The following VPS13B variants were observed in gnomAD, a reference collection of about 807,000 sequenced individuals.
VPS13B encodes vacuolar protein sorting 13 homolog B, also known as intermembrane lipid transfer protein VPS13B.
Under a neutral mutation model 426.4 loss-of-function variants are expected in VPS13B, and 285 were observed. The observed-to-expected ratio is 0.67, with a 90% CI of 0.61 to 0.74. VPS13B has a LOEUF of 0.74. Among genes scored for constraint, VPS13B ranks in the 30% least tolerant of loss-of-function variants. VPS13B has a pLI of 0.00. For missense variants in VPS13B, 4,537 were observed against 4,782.6 expected, an observed-to-expected ratio of 0.95 and a Z score of 1.51; for synonymous variants, 1,676 against 1,676.4, an observed-to-expected ratio of 1.00 and a Z score of 0.01.
At position 99,214,964 on chromosome 8, in the gene VPS13B, TG is replaced by T. The variant is rs552349032; in HGVS notation, c.2515+21908del. ...ATACTCCATATTTCTGCAATGCCCA[TG>T]TCTCTCTATTTAATCTATTTATATC... is the stretch of plus-strand genomic sequence containing the variant. On this transcript the variant is annotated intron_variant, in intron 17 of 61. Coordinates refer to ENST00000357162, the MANE Select transcript of VPS13B (RefSeq NM_152564.5). Among the ~76,000 whole-genome samples, 547 of 152,314 alleles carry T rather than the reference TG, an allele frequency of 3.6e-3. 4 individuals are homozygous for T. Among genetic ancestry groups the T allele is most frequent in the South Asian group, 0.013 (62 of 4,828 alleles).
At chr8:99,122,910 C>T (rs986084806) in intron 8 of VPS13B, among the ~76,000 whole-genome samples, 12 of 151,440 alleles carry the variant, frequency 7.9e-5, no homozygotes, top group East Asian at 1.9e-4. Flanking sequence ...ATCTGGAATT[C>T]GAGACCAGCC....
intron 33 of VPS13B, chr8:99,577,929 A>T (rs959847695): frequency 2.8e-5 from 11 of 399,410 alleles, no homozygotes; most frequent in African/African-American, 2.2e-4. Context: ...ATGATGCGAG[A>T]ATCCTGGTAT....
At chr8:99,776,716 C>T (rs181510615) in intron 40 of VPS13B, 59 bp from the exon 41 acceptor site, 234 of 1,536,046 alleles carry the variant, frequency 1.5e-4, no homozygotes, top group African/African-American at 1.3e-3. Flanking sequence ...AGACGTTTCA[C>T]TCATATAATA....
intron 33 of VPS13B, among the ~76,000 whole-genome samples, chr8:99,606,244 C>T (rs1352171564): frequency 6.6e-6 from 1 of 152,016 alleles, no homozygotes; most frequent in Admixed American, 6.6e-5. Flanking sequence ...CCTCAAACAG[C>T]CTCAGGTGAA....
intron 33 of VPS13B, among the ~76,000 whole-genome samples, chr8:99,578,657 T>C (rs1825887999): frequency 6.6e-6 from 1 of 152,160 alleles, no homozygotes; most frequent in South Asian, 2.1e-4. Context: ...AATGTAATTA[T>C]ATGACATCAA....
In VPS13B at chr8:99,441,463, T is replaced by G. The variant is rs1817672036; in HGVS notation, c.3211-938T>G. On this transcript the variant is annotated intron_variant, in intron 22 of 61. Transcript: ENST00000357162. ...TGTATCACACCTCCAGATAACATAT[T>G]TTTATGTGAAATATTTTGTAGGAAA... is the stretch of plus-strand genomic sequence containing the variant. Among the ~76,000 whole-genome samples, 4 of 152,116 alleles carry G rather than the reference T, an allele frequency of 2.6e-5. No individual in the cohort carries two copies. The South Asian group carries it at 8.3e-4, about 31-fold the overall frequency.
intron 39 of VPS13B, among the ~76,000 whole-genome samples, chr8:99,724,962 T>G (rs899743575): frequency 6.6e-6 from 1 of 152,206 alleles, no homozygotes; most frequent in African/African-American, 2.4e-5. Flanking sequence ...AACTGGCCTA[T>G]CTGGCATTCC....
chr8:99,645,337 G>C (rs965148230), intron 34 of VPS13B, among the ~76,000 whole-genome samples: 6 of 152,154 alleles, frequency 3.9e-5, no homozygotes, highest in Admixed American at 3.3e-4. Flanking sequence ...ACTTAGCATT[G>C]AGCCAGCAGG....
chr8:99,817,877 C>T lies in VPS13B; in HGVS notation c.8361+74C>T, dbSNP rs898290027. 53 of 1,604,802 alleles carry T rather than the reference C, an allele frequency of 3.3e-5. No homozygotes were observed. The Admixed American group carries it at 7.0e-4, about 21-fold the overall frequency. ...TTTCTCAAAATGTTCTTTACTCGTA[C>T]AGCACTTAATTTATTAAAAAGTGAC... On this transcript the variant is annotated intron_variant, in intron 45 of 61. Transcript: ENST00000357162.
chr8:99,263,828 TG>T (rs1004575080), intron 17 of VPS13B, among the ~76,000 whole-genome samples: 1 of 152,096 alleles, frequency 6.6e-6, no homozygotes, highest in South Asian at 2.1e-4. Flanking sequence ...TGAACATCTT[TG>T]GGGGGGACCA....
At chr8:99,410,296 T>C (rs187744662) in intron 21 of VPS13B, among the ~76,000 whole-genome samples, 289 of 152,282 alleles carry the variant, frequency 1.9e-3, no homozygotes, top group Non-Finnish European at 3.3e-3. Flanking sequence ...CCTTATCTTG[T>C]CTTTCTGGCC....
chr8:99,648,784 G>A (rs1829693198), intron 34 of VPS13B, among the ~76,000 whole-genome samples: 1 of 152,130 alleles, frequency 6.6e-6, no homozygotes, highest in Non-Finnish European at 1.5e-5. Context: ...GGGGGAAAGT[G>A]GTCTTTTGTA....
chr8:99,238,594 C>T (rs1816758071), intron 17 of VPS13B, among the ~76,000 whole-genome samples: 1 of 152,008 alleles, frequency 6.6e-6, no homozygotes, highest in African/African-American at 2.4e-5. Context: ...GGATGTTAGT[C>T]TATAATAAAA....
intron 17 of VPS13B, chr8:99,233,123 T>G: frequency 4.4e-6 from 6 of 1,349,128 alleles, no homozygotes; most frequent in Non-Finnish European, 5.3e-6. Flanking sequence ...ACAGTTTCCC[T>G]GATACTGCGC....
At chr8:99,419,896 A>G (rs545696836) in intron 21 of VPS13B, among the ~76,000 whole-genome samples, 24 of 152,182 alleles carry the variant, frequency 1.6e-4, no homozygotes, top group Non-Finnish European at 3.1e-4. Flanking sequence ...AGATAAAAGA[A>G]ACATGAATTC....
chr8:99,444,750 G>A (rs1440353210), intron 23 of VPS13B, among the ~76,000 whole-genome samples: 5 of 151,960 alleles, frequency 3.3e-5, no homozygotes, highest in East Asian at 1.9e-4. Flanking sequence ...GCTCACTGCC[G>A]CCTTGACCGC....
chr8:99,027,108 C>A (rs2132171138), intron 2 of VPS13B, among the ~76,000 whole-genome samples: 1 of 152,260 alleles, frequency 6.6e-6, no homozygotes, highest in Non-Finnish European at 1.5e-5. Flanking sequence ...AACTCCTGAT[C>A]TCAGGTGATC....
intron 30 of VPS13B, among the ~76,000 whole-genome samples, chr8:99,547,258 A>G (rs1053810617): frequency 2.6e-5 from 4 of 152,094 alleles, no homozygotes; most frequent in Admixed American, 1.3e-4. Flanking sequence ...TCTGAAGATT[A>G]GTACTCCTGC....
chr8:99,706,594 G>A (rs1292073279), intron 36 of VPS13B, among the ~76,000 whole-genome samples: 1 of 152,010 alleles, frequency 6.6e-6, no homozygotes, highest in African/African-American at 2.4e-5. Flanking sequence ...GTCATTTCTG[G>A]TTATTGGTTT....
Sources: gnomAD v4.1 joint callset for allele counts (sites outside exome capture counted in the v4.1 genomes callset) on GRCh38, gnomAD v4.1.1 for gene constraint, MANE v1.5 for transcripts, NCBI Gene and HGNC (gene_info 2026-07-23, HGNC 2026-07-21) for gene names.